Variants in ZBTB22 observed in about 807,000 individuals in gnomAD.
ZBTB22 encodes zinc finger and BTB domain containing 22, also known as zinc finger and BTB domain-containing protein 22.
For synonymous variants in ZBTB22, 356 were observed against 347.3 expected, an observed-to-expected ratio of 1.03 and a Z score of -0.28; for missense variants, 668 against 834.1, an observed-to-expected ratio of 0.80 and a Z score of 2.45.
chr6:33,314,429 T>G lies in ZBTB22; in HGVS notation c.*583A>C. 3.3e-6 allele frequency: 1 copy of G among 306,012 alleles called. No homozygotes were observed. Among genetic ancestry groups the G allele is most frequent in the Non-Finnish European group, 6.1e-6 (1 of 163,564 alleles). The allele number at this position is 306,012 out of a possible 1,614,324, so 19.0% of individuals were successfully genotyped here. A position where few individuals can be genotyped will look rare whatever the true frequency, so the allele number is the denominator to read the frequency against. On this transcript the variant is annotated 3_prime_UTR_variant, in exon 2 of 2. Transcript: ENST00000431845. Reference sequence around the variant, plus strand: ...ATCGGGAAGCCAAGTAAATGACCAATAAATATTTTAATCACTGTTAAAAAA... The same window carrying G: ...ATCGGGAAGCCAAGTAAATGACCAAGAAATATTTTAATCACTGTTAAAAAA...
rs954217496 is a variant in ZBTB22 at position 33,316,547 on chromosome 6, T to C, written c.370A>G (p.Ile124Val). Reference protein sequence around the residue: ...TGRLSMAAADIVNFLTVGSVL... With the variant: ...TGRLSMAAADVVNFLTVGSVL... ...GACCCCACTGTAAGGAAGTTGACAA[T>C]GTCAGCAGCAGCCATGCTGAGGCGG... Residue 124 changes from isoleucine (I) to valine (V), a missense_variant, in exon 2 of 2, where the codon ATT (isoleucine) becomes GTT (valine). By Grantham distance (29) the Ile-to-Val change is conservative. Coordinates refer to ENST00000431845, the MANE Select transcript of ZBTB22 (RefSeq NM_005453.5). This position sits in a 1 kb window ranked among gnomAD's most constrained non-coding sequence, Gnocchi z 7.2. The C allele has an allele frequency of 6.2e-7, 1 of 1,614,034 alleles. No homozygotes were observed. Among genetic ancestry groups the C allele is most frequent in the African/African-American group, 1.3e-5 (1 of 74,904 alleles).
In ZBTB22 at chr6:33,315,287, C is replaced by T. The variant is rs1312977458; in HGVS notation, c.1630G>A (p.Gly544Arg). 6.2e-7 allele frequency: 1 copy of T among 1,613,976 alleles called. No individual in the cohort carries two copies. The highest frequency in any genetic ancestry group is 8.5e-7 in the Non-Finnish European group (1 of 1,179,998). Residue 544 changes from glycine (G) to arginine (R), a missense_variant, in exon 2 of 2, where the codon GGA becomes AGA. Physicochemically the swap from Gly to Arg is moderately radical, Grantham distance 125. Transcript: ENST00000431845. This position sits in a 1 kb window ranked among gnomAD's most constrained non-coding sequence, Gnocchi z 5.4. Reference sequence around the variant, plus strand: ...CACATGAACTTCTTGGCGCAGACTCCGCACTCGTAGGGCTTGAGACCTGTG... The same window carrying T: ...CACATGAACTTCTTGGCGCAGACTCTGCACTCGTAGGGCTTGAGACCTGTG... ...THTGLKPYEC[G>R]VCAKKFMWRD...
At chr6:33,317,048 C>G (rs890520100) in intron 1 of ZBTB22, 63 bp from the exon 2 acceptor site, 19 of 1,141,858 alleles carry the variant, frequency 1.7e-5, no homozygotes, top group Middle Eastern at 3.0e-4. Context: ...CGTTACAACT[C>G]AAAAATATGT....
chr6:33,315,899 GTTC>G lies in ZBTB22; in HGVS notation c.1015_1017del (p.Glu339del). The G allele has an allele frequency of 6.2e-7, 1 of 1,613,948 alleles. No homozygotes were observed. The highest frequency in any genetic ancestry group is 8.5e-7 in the Non-Finnish European group (1 of 1,179,980). On this transcript the variant is annotated inframe_deletion, in exon 2 of 2. Transcript: ENST00000431845. The surrounding 1 kb of genome is among the most constrained non-coding windows in gnomAD (Gnocchi z 5.4). ...ACTGGAACCCTGGAGCTACCCCCTAGTTCTTCATCTTCATCATCCTCACAGGTC... is the reference window on the plus strand; with the variant it reads ...ACTGGAACCCTGGAGCTACCCCCTAGTTCATCTTCATCATCCTCACAGGTC...
In ZBTB22 at chr6:33,316,205, C is replaced by T; in HGVS notation, c.712G>A (p.Gly238Ser). 6.2e-7 allele frequency: 1 copy of T among 1,614,100 alleles called. No homozygotes were observed. Among genetic ancestry groups the T allele is most frequent in the Non-Finnish European group, 8.5e-7 (1 of 1,180,024 alleles). Residue 238 changes from glycine (G) to serine (S), a missense_variant, in exon 2 of 2, where the codon GGT becomes AGT. Physicochemically the swap from Gly to Ser is moderately conservative, Grantham distance 56. Transcript: ENST00000431845. This position sits in a 1 kb window ranked among gnomAD's most constrained non-coding sequence, Gnocchi z 7.2. ...SAVGSGERRG[G>S]GPVFPAPVVG... ...ACAGGGGCTGGGAATACAGGGCCAC[C>T]TCCTCGACGCTCCCCACTGCCCACT...
Position 33,315,944 on chromosome 6 carries a change from C to T in ZBTB22, c.973G>A (p.Glu325Lys). 3.1e-6 allele frequency: 5 copies of T among 1,614,110 alleles called. No homozygotes were observed. The highest frequency in any genetic ancestry group is 4.2e-6 in the Non-Finnish European group (5 of 1,180,010). The part of the protein sequence containing the change: ...QDPDLEEEEE[E>K]EDLVLTCEDD... ...TCACAGGTCAACACCAGATCTTCCTCCTCCTCTTCCTCCTCCAGATCTGGG... is the reference window on the plus strand; with the variant it reads ...TCACAGGTCAACACCAGATCTTCCTTCTCCTCTTCCTCCTCCAGATCTGGG... Residue 325 changes from glutamate to lysine, a missense_variant, in exon 2 of 2, where the codon GAG becomes AAG. Glu to Lys is a moderately conservative substitution (Grantham distance 56). Coordinates refer to ENST00000431845, the MANE Select transcript of ZBTB22 (RefSeq NM_005453.5). This position sits in a 1 kb window ranked among gnomAD's most constrained non-coding sequence, Gnocchi z 5.4.
Position 33,315,674 on chromosome 6 carries a change from G to C in ZBTB22, c.1243C>G (p.Pro415Ala). ...CCCTGCATGTCCAAGGGAAGGAGCG[G>C]TCGAGGAGGGTGGGAGGGGGCATAG... ...SSYAPSHPPRPLLPLDMQGNQ... is the reference protein window; with the variant it reads ...SSYAPSHPPRALLPLDMQGNQ... Residue 415 changes from proline (P) to alanine (A), a missense_variant, in exon 2 of 2, where the codon CCG becomes GCG. Physicochemically the swap from Pro to Ala is conservative, Grantham distance 27. Transcript: ENST00000431845. This position sits in a 1 kb window ranked among gnomAD's most constrained non-coding sequence, Gnocchi z 5.4. 2 of 1,613,892 alleles carry C rather than the reference G, an allele frequency of 1.2e-6. No individual in the cohort carries two copies. The highest frequency in any genetic ancestry group is 1.7e-6 in the Non-Finnish European group (2 of 1,179,940).
Position 33,315,975 on chromosome 6 carries a change from G to C in ZBTB22, c.942C>G (p.Pro314=). ...CTTCCTCCTCCAGATCTGGGTCTTG[G>C]GGAACCAGGGGTGTTGGCGCTGGGC... is the stretch of plus-strand genomic sequence containing the variant. The part of the protein sequence containing the change: ...GNCPAPTPLV[P]QDPDLEEEEE... Residue 314 remains proline, a synonymous_variant, in exon 2 of 2, where the codon CCC becomes CCG. Transcript: ENST00000431845. This position sits in a 1 kb window ranked among gnomAD's most constrained non-coding sequence, Gnocchi z 5.4. 6.2e-7 allele frequency: 1 copy of C among 1,614,000 alleles called. No homozygotes were observed. Among genetic ancestry groups the C allele is most frequent in the East Asian group, 2.2e-5 (1 of 44,870 alleles).
Position 33,315,096 on chromosome 6 carries a change from C to A in ZBTB22, c.1821G>T (p.Thr607=). 1 of 1,610,516 alleles carries A rather than the reference C, an allele frequency of 6.2e-7. No individual in the cohort carries two copies. The highest frequency in any genetic ancestry group is 8.5e-7 in the Non-Finnish European group (1 of 1,177,502). Residue 607 remains threonine (T), a synonymous_variant, in exon 2 of 2, where the codon ACG becomes ACT. Transcript: ENST00000431845. The surrounding 1 kb of genome is among the most constrained non-coding windows in gnomAD (Gnocchi z 5.4). ...GGSGDEASAA[T]PPSSRRVWSP... is the part of the protein sequence containing the mutation. ...ACCAGACACGTCTGCTGGACGGGGG[C>A]GTGGCCGCACTCGCTTCGTCGCCGC...
rs201803016 is a variant in ZBTB22, at chr6:33,316,975, C to CG, written c.-60dup. The CG allele has an allele frequency of 6.9e-4, 1,028 of 1,493,208 alleles. 6 individuals carry two copies. In the African/African-American group the frequency reaches 0.011, roughly 16 times the overall value. 92.5% of individuals were successfully genotyped at this position (1,493,208 alleles called of 1,614,324 possible). ...GGAACAAAGAAAGGAGGAGGGCGGCCGGGGGGGTCTCTGGGAAGAAAAAGA... is the reference window on the plus strand; with the variant it reads ...GGAACAAAGAAAGGAGGAGGGCGGCCGGGGGGGGTCTCTGGGAAGAAAAAGA... On this transcript the variant is annotated 5_prime_UTR_variant, in exon 2 of 2. Coordinates refer to ENST00000431845, the MANE Select transcript of ZBTB22 (RefSeq NM_005453.5). This position sits in a 1 kb window ranked among gnomAD's most constrained non-coding sequence, Gnocchi z 7.2.
chr6:33,315,309 T>A lies in ZBTB22; in HGVS notation c.1608A>T (p.Thr536=). The change falls in exon 2 of 2, where the codon ACA becomes ACT. Residue 536 remains threonine, a synonymous_variant. Transcript: ENST00000431845. This position sits in a 1 kb window ranked among gnomAD's most constrained non-coding sequence, Gnocchi z 5.4. ...HHLTEHMKTH[T]GLKPYECGVC... Reference sequence around the variant, plus strand: ...CTCCGCACTCGTAGGGCTTGAGACCTGTGTGCGTCTTCATGTGCTCAGTCA... The same window carrying A: ...CTCCGCACTCGTAGGGCTTGAGACCAGTGTGCGTCTTCATGTGCTCAGTCA... The A allele has an allele frequency of 6.2e-7, 1 of 1,614,136 alleles. No homozygotes were observed. Among genetic ancestry groups the A allele is most frequent in the Non-Finnish European group, 8.5e-7 (1 of 1,180,038 alleles).
rs917633079 is a variant in ZBTB22 at position 33,316,937 on chromosome 6, C to A, written c.-21G>T. 1 of 1,537,338 alleles carries A rather than the reference C, an allele frequency of 6.5e-7. No homozygotes were observed. The highest frequency in any genetic ancestry group is 8.7e-7 in the Non-Finnish European group (1 of 1,144,806). On this transcript the variant is annotated 5_prime_UTR_variant, in exon 2 of 2. Transcript: ENST00000431845. This position sits in a 1 kb window ranked among gnomAD's most constrained non-coding sequence, Gnocchi z 7.2. ...TCCATGTTGTGGAGGGAGGGGATAC[C>A]CCCCCAGCCACAGGAACAAAGAAAG...
In ZBTB22 at chr6:33,315,305, G is replaced by T; in HGVS notation, c.1612C>A (p.Leu538Ile). ...CAGACTCCGCACTCGTAGGGCTTGA[G>T]ACCTGTGTGCGTCTTCATGTGCTCA... The part of the protein sequence containing the change: ...LTEHMKTHTG[L>I]KPYECGVCAK... Residue 538 changes from leucine to isoleucine, a missense_variant, in exon 2 of 2, where the codon CTC becomes ATC. By Grantham distance (5) the Leu-to-Ile change is conservative (BLOSUM62 2). Coordinates refer to ENST00000431845, the MANE Select transcript of ZBTB22 (RefSeq NM_005453.5). The surrounding 1 kb of genome is among the most constrained non-coding windows in gnomAD (Gnocchi z 5.4). The T allele has an allele frequency of 1.2e-6, 2 of 1,614,134 alleles. No homozygotes were observed. Among genetic ancestry groups the T allele is most frequent in the Non-Finnish European group, 1.7e-6 (2 of 1,180,048 alleles).
rs1769694167 is a variant in ZBTB22 at position 33,314,762 on chromosome 6, G to C, written c.*250C>G. ...CATGTGCAATCTACTCTGTGGAGCAGGGGCTTCAGTGTACCCATCAGAGGG... is the reference window on the plus strand; with the variant it reads ...CATGTGCAATCTACTCTGTGGAGCACGGGCTTCAGTGTACCCATCAGAGGG... On this transcript the variant is annotated 3_prime_UTR_variant, in exon 2 of 2. Transcript: ENST00000431845. The C allele has an allele frequency of 4.8e-6, 3 of 621,004 alleles. No homozygotes were observed. In the African/African-American group the frequency reaches 5.6e-5, roughly 12 times the overall value. 38.5% of individuals were successfully genotyped at this position (621,004 alleles called of 1,614,324 possible). A position where few individuals can be genotyped will look rare whatever the true frequency, so the allele number is the denominator to read the frequency against.
Position 33,315,915 on chromosome 6 carries a change from AT to A in ZBTB22, c.1001del (p.Asp334ValfsTer7). ...EEEDLVLTCE[D>X]DEDEELGGSS... The stretch of plus-strand genomic sequence containing the variant: ...TACCCCCTAGTTCTTCATCTTCATC[AT>A]CCTCACAGGTCAACACCAGATCTTC... On this transcript the variant is annotated frameshift_variant, in exon 2 of 2. Transcript: ENST00000431845. LOFTEE classifies it low-confidence loss of function (END_TRUNC). This position sits in a 1 kb window ranked among gnomAD's most constrained non-coding sequence, Gnocchi z 5.4. The A allele has an allele frequency of 6.2e-7, 1 of 1,613,646 alleles. No individual in the cohort carries two copies. The highest frequency in any genetic ancestry group is 8.5e-7 in the Non-Finnish European group (1 of 1,179,898).
Position 33,314,960 on chromosome 6 carries a change from G to A in ZBTB22, c.*52C>T. ...CCGGGGGCCACAGCGCCCTTGCATC[G>A]TGCTCCTTATTCCCTTTCCCGAAAG... On this transcript the variant is annotated 3_prime_UTR_variant, in exon 2 of 2. Transcript: ENST00000431845. 6.6e-7 allele frequency: 1 copy of A among 1,514,564 alleles called. No individual in the cohort carries two copies. The highest frequency in any genetic ancestry group is 1.3e-5 in the South Asian group (1 of 75,328). The allele number at this position is 1,514,564 out of a possible 1,614,324, so 93.8% of individuals were successfully genotyped here. A position where few individuals can be genotyped will look rare whatever the true frequency, so the allele number is the denominator to read the frequency against.
In ZBTB22 at chr6:33,315,803, C is replaced by T; in HGVS notation, c.1114G>A (p.Glu372Lys). The stretch of plus-strand genomic sequence containing the variant: ...GACTCACAGAAGTTGACCTGCTCCT[C>T]CCCCTTGTCTGGGGGCTCACTCAGG... ...RTLSEPPDKG[E>K]EQVNFCESSN... The change falls in exon 2 of 2, where the codon GAG becomes AAG. Residue 372 changes from glutamate to lysine, a missense_variant. Glu to Lys is a moderately conservative substitution (Grantham distance 56, BLOSUM62 1). Transcript: ENST00000431845. The surrounding 1 kb of genome is among the most constrained non-coding windows in gnomAD (Gnocchi z 5.4). 6.2e-7 allele frequency: 1 copy of T among 1,612,782 alleles called. No homozygotes were observed. Among genetic ancestry groups the T allele is most frequent in the Non-Finnish European group, 8.5e-7 (1 of 1,179,194 alleles).
At chr6:33,317,096 G>T in intron 1 of ZBTB22, 111 bp from the exon 2 acceptor site, 2 of 712,660 alleles carry the variant, frequency 2.8e-6, no homozygotes, top group Non-Finnish European at 4.5e-6. Context: ...ACAACAGTGA[G>T]GTAGGTATTC....
Position 33,315,458 on chromosome 6 carries a change from G to A in ZBTB22, c.1459C>T (p.Leu487=), listed in dbSNP as rs1291584883. Residue 487 remains leucine (L), a synonymous_variant, in exon 2 of 2, where the codon CTG becomes TTG. Transcript: ENST00000431845. The surrounding 1 kb of genome is among the most constrained non-coding windows in gnomAD (Gnocchi z 5.4). The stretch of plus-strand genomic sequence containing the variant: ...GAGAAGGCCTTCCCACAATGGCACA[G>A]AAAGATCTTATTCCCGTCCCCACTG... ...TGSGDGNKIF[L]CHCGKAFSHK... The A allele has an allele frequency of 1.2e-6, 2 of 1,614,004 alleles. No individual in the cohort carries two copies. Among genetic ancestry groups the A allele is most frequent in the Admixed American group, 3.3e-5 (2 of 59,992 alleles).
Sources: allele counts gnomAD v4.1 joint callset, GRCh38; gene constraint gnomAD v4.1.1; non-coding constraint Gnocchi (gnomAD v3.1); transcripts MANE v1.5; gene names NCBI Gene and HGNC (gene_info 2026-07-23, HGNC 2026-07-21).